HSPG2: variants seen among roughly 807,000 people sequenced by gnomAD.
HSPG2 encodes heparan sulfate proteoglycan 2.
Under a neutral mutation model 526.6 loss-of-function variants are expected in HSPG2, and 278 were observed. That is an observed-to-expected ratio of 0.53 (90% CI 0.48 to 0.58). HSPG2 has a LOEUF of 0.58. Among genes scored for constraint, HSPG2 ranks in the 20% least tolerant of loss-of-function variants. HSPG2 has a pLI of 0.00. For synonymous variants in HSPG2, 2,465 were observed against 2,555.4 expected (o/e 0.96, Z 1.07); for missense variants, 5,354 against 6,099.5 (o/e 0.88, Z 4.07).
At chr1:21,920,364 G>A (rs919340785) in intron 1 of HSPG2, among the ~76,000 whole-genome samples, 5 of 152,038 alleles carry the variant, frequency 3.3e-5, no homozygotes, top group African/African-American at 1.2e-4. Context: ...CACCCGCCTC[G>A]AGTAGCAGCC....
chr1:21,848,761 G>A lies in HSPG2; in HGVS notation c.7619C>T (p.Ser2540Phe), dbSNP rs751347458. The A allele has an allele frequency of 3.1e-6, 5 of 1,613,904 alleles. No individual in the cohort carries two copies. The highest frequency in any genetic ancestry group is 4.2e-6 in the Non-Finnish European group (5 of 1,179,998). ...TCCATTGGCCAGGGAGGCTGAGGAG[G>A]ACTCGATGCGGACGGGGTACGCCAC... ...QGVAYPVRIE[S>F]SSASLANGHT... The change falls in exon 59 of 97, where the codon TCC becomes TTC. Residue 2540 changes from serine (S) to phenylalanine (F), a missense_variant. By Grantham distance (155) the Ser-to-Phe change is radical (BLOSUM62 -2). Coordinates refer to ENST00000374695, the MANE Select transcript of HSPG2 (RefSeq NM_005529.7). The surrounding 1 kb of genome is among the most constrained non-coding windows in gnomAD (Gnocchi z 4.9).
chr1:21,875,206 C>G (rs1395672946), intron 25 of HSPG2: 7 of 636,198 alleles, frequency 1.1e-5, no homozygotes, highest in Non-Finnish European at 1.7e-5. Context: ...CCCTTCCTCA[C>G]CTGGAGAGGT....
intron 1 of HSPG2, chr1:21,908,604 A>T: frequency 1.6e-6 from 1 of 637,694 alleles, no homozygotes; most frequent in Non-Finnish European, 2.8e-6. Context: ...AAAAAAAAAG[A>T]CCTCTGGGCT....
chr1:21,857,409 G>GC (rs758012742), intron 42 of HSPG2, 24 bp from the exon 43 acceptor site: 1 of 1,605,000 alleles, frequency 6.2e-7, no homozygotes. Context: ...AAGCCCCCCT[G>GC]TGAGCCGGTG....
chr1:21,906,859 G>A (rs945340890), intron 1 of HSPG2, among the ~76,000 whole-genome samples: 4 of 152,066 alleles, frequency 2.6e-5, no homozygotes, highest in African/African-American at 9.7e-5. Flanking sequence ...CAACCATCCC[G>A]CCTTTCCCTC....
At chr1:21,926,958 T>C (rs975373912) in intron 1 of HSPG2, among the ~76,000 whole-genome samples, 16 of 151,844 alleles carry the variant, frequency 1.1e-4, no homozygotes, top group Non-Finnish European at 2.2e-4. Flanking sequence ...CTGGGGTTAG[T>C]TAGGAGGGGG....
At position 21,839,435 on chromosome 1, in the gene HSPG2, C is replaced by T. The variant is rs776219020; in HGVS notation, c.9825G>A (p.Gln3275=). 4 of 1,614,070 alleles carry T rather than the reference C, an allele frequency of 2.5e-6. No individual in the cohort carries two copies. Among genetic ancestry groups the T allele is most frequent in the Middle Eastern group, 1.6e-4 (1 of 6,062 alleles). ...CAGGGCTAGTGGCATTGCAGATGTA[C>T]TGGCCCGAGTCCTGCTGGGCTACCC... is the stretch of plus-strand genomic sequence containing the variant. ...IPRVAQQDSG[Q]YICNATSPAG... is the part of the protein sequence containing the mutation. The change falls in exon 73 of 97, where the codon CAG becomes CAA. Residue 3275 remains glutamine (Q), a synonymous_variant. Coordinates refer to ENST00000374695, the MANE Select transcript of HSPG2 (RefSeq NM_005529.7). This position sits in a 1 kb window ranked among gnomAD's most constrained non-coding sequence, Gnocchi z 4.5.
At chr1:21,841,461 G>C in intron 70 of HSPG2, 78 bp downstream of exon 70, 1 of 1,594,102 alleles carries the variant, frequency 6.3e-7, no homozygotes, top group Non-Finnish European at 8.6e-7. Flanking sequence ...GTGGAAGGAG[G>C]ATTTAAACTT....
In HSPG2 at chr1:21,829,082, G is replaced by C; in HGVS notation, c.11993-3C>G. On this transcript the variant is annotated splice_polypyrimidine_tract_variant and splice_region_variant and intron_variant, in intron 87 of 96. Transcript: ENST00000374695. The stretch of plus-strand genomic sequence containing the variant: ...GGCGCTCCGCAGAACGGCCAGCCCT[G>C]GGGAGGATGCCAGGCAGGGTTGGGC... The C allele has an allele frequency of 1.3e-6, 2 of 1,536,116 alleles. No homozygotes were observed. The highest frequency in any genetic ancestry group is 1.7e-6 in the Non-Finnish European group (2 of 1,144,106).
intron 1 of HSPG2, among the ~76,000 whole-genome samples, chr1:21,901,697 C>A (rs1339544626): frequency 6.6e-6 from 1 of 152,120 alleles, no homozygotes; most frequent in African/African-American, 2.4e-5. Context: ...TGCACAGTCC[C>A]CAGGGCGGCT....
Position 21,859,844 on chromosome 1 carries a change from G to A in HSPG2, c.5173C>T (p.Arg1725Ter), listed in dbSNP as rs902136945. ...CTAGGGCCATGGGTACCTTGATGTC[G>A]CTGCTGGGTGCCGCTGGGCACAGGC... ...GRPVPSGTQQRHQGSELHFPS... is the reference protein window; with the variant it reads ...GRPVPSGTQQ The change falls in exon 41 of 97, where the codon CGA becomes TGA. Residue 1725 changes from arginine (R) to a stop codon, truncating the protein, a stop_gained. Transcript: ENST00000374695. LOFTEE classifies it high-confidence loss of function. This position sits in a 1 kb window ranked among gnomAD's most constrained non-coding sequence, Gnocchi z 5.3. 3.7e-6 allele frequency: 6 copies of A among 1,611,328 alleles called. No individual in the cohort carries two copies. The highest frequency in any genetic ancestry group is 4.2e-6 in the Non-Finnish European group (5 of 1,179,610).
chr1:21,847,758 C>T lies in HSPG2; in HGVS notation c.7956G>A (p.Val2652=), dbSNP rs145265774. The T allele has an allele frequency of 5.2e-4, 845 of 1,613,416 alleles. 1 individual carries two copies. Among genetic ancestry groups the T allele is most frequent in the Non-Finnish European group, 6.4e-4 (750 of 1,179,868 alleles). The part of the protein sequence containing the change: ...VEGQTLDLNC[V]VARQPQAIIT... ...TGATAGCCTGGGGCTGCCTGGCGAC[C>T]ACGCAGTTCAGATCCAAGGTCTGCC... Residue 2652 remains valine, a synonymous_variant, in exon 61 of 97, where the codon GTG becomes GTA. Coordinates refer to ENST00000374695, the MANE Select transcript of HSPG2 (RefSeq NM_005529.7). This position sits in a 1 kb window ranked among gnomAD's most constrained non-coding sequence, Gnocchi z 4.1.
chr1:21,854,414 G>A (rs927614723), intron 49 of HSPG2, 71 bp from the exon 50 acceptor site: 23 of 1,531,056 alleles, frequency 1.5e-5, no homozygotes, highest in Non-Finnish European at 1.9e-5. Flanking sequence ...CTCAGCCTCA[G>A]TGATTCATTC....
Position 21,848,833 on chromosome 1 carries a change from T to G in HSPG2, c.7586-39A>C, listed in dbSNP as rs772835123. 3.7e-6 allele frequency: 6 copies of G among 1,613,146 alleles called. No individual in the cohort carries two copies. Among genetic ancestry groups the G allele is most frequent in the Non-Finnish European group, 4.2e-6 (5 of 1,179,902 alleles). The stretch of plus-strand genomic sequence containing the variant: ...ATGTAAGGCAGGGTGTGGGAGCTGC[T>G]GAGGGTGCAGTCGGGGTCCCCCAGC... On this transcript the variant is annotated intron_variant, in intron 58 of 96. Coordinates refer to ENST00000374695, the MANE Select transcript of HSPG2 (RefSeq NM_005529.7). This position sits in a 1 kb window ranked among gnomAD's most constrained non-coding sequence, Gnocchi z 4.9.
Position 21,842,824 on chromosome 1 carries a change from G to C in HSPG2, c.8856C>G (p.Ala2952=), listed in dbSNP as rs1294507309. Residue 2952 remains alanine (A), a synonymous_variant, in exon 67 of 97, where the codon GCC becomes GCG. Coordinates refer to ENST00000374695, the MANE Select transcript of HSPG2 (RefSeq NM_005529.7). ...LDLNCVVPGQ[A]HAQVTWYKRG... is the part of the protein sequence containing the mutation. ...GCTTGTACCACGTGACCTGGGCATGGGCCTGCCCGGGCACCACACAGTTCA... is the reference window on the plus strand; with the variant it reads ...GCTTGTACCACGTGACCTGGGCATGCGCCTGCCCGGGCACCACACAGTTCA... 5 of 1,613,852 alleles carry C rather than the reference G, an allele frequency of 3.1e-6. No individual in the cohort carries two copies. Among genetic ancestry groups the C allele is most frequent in the Middle Eastern group, 1.7e-4 (1 of 6,048 alleles).
At chr1:21,882,001 T>C (rs1421849721) in intron 13 of HSPG2, among the ~76,000 whole-genome samples, 1 of 151,434 alleles carries the variant, frequency 6.6e-6, no homozygotes, top group African/African-American at 2.4e-5. Context: ...TTTTTCCTCC[T>C]TCCCAAATAC....
chr1:21,830,768 C>CA (rs544308792), intron 85 of HSPG2: 115 of 536,618 alleles, frequency 2.1e-4, no homozygotes, highest in African/African-American at 1.7e-3. Context: ...AGAATTTGGT[C>CA]AGCAGGGCTG....
chr1:21,851,960 T>G, intron 53 of HSPG2, 34 bp from the exon 54 acceptor site: 1 of 1,605,120 alleles, frequency 6.2e-7, no homozygotes, highest in Non-Finnish European at 8.5e-7. Flanking sequence ...TGAGGGGGGC[T>G]TCCCGGAGGC....
intron 1 of HSPG2, among the ~76,000 whole-genome samples, chr1:21,916,000 G>A (rs1352028783): frequency 9.4e-5 from 14 of 148,850 alleles, no homozygotes; most frequent in Non-Finnish European, 1.3e-4. Flanking sequence ...GCAGTAAGCC[G>A]AGATCACACC....
Sources: allele counts gnomAD v4.1 joint callset (sites outside exome capture counted in the v4.1 genomes callset), GRCh38; gene constraint gnomAD v4.1.1; non-coding constraint Gnocchi (gnomAD v3.1); transcripts MANE v1.5; gene names NCBI Gene and HGNC (gene_info 2026-07-23, HGNC 2026-07-21).